Variants in FAM13A observed in about 807,000 individuals in gnomAD.
FAM13A encodes the protein protein FAM13A.
A neutral mutation model predicts 129.6 loss-of-function variants in FAM13A; 76 were observed. That is an observed-to-expected ratio of 0.59 (90% CI 0.49 to 0.71). The LOEUF is 0.71. Ranked by LOEUF, FAM13A falls within the 30% of genes least tolerant of loss-of-function variation. The pLI is 0.00. For missense variants in FAM13A, 1,108 were observed against 1,249.3 expected (o/e 0.89, Z 1.70); for synonymous variants, 443 against 449.9 (o/e 0.98, Z 0.20).
intron 13 of FAM13A, among the ~76,000 whole-genome samples, chr4:88,766,900 A>T (rs1374684167): frequency 6.6e-6 from 1 of 152,198 alleles, no homozygotes; most frequent in African/African-American, 2.4e-5. Flanking sequence ...AAGTATTTGG[A>T]GGTAGCAGAT....
intron 5 of FAM13A, among the ~76,000 whole-genome samples, chr4:88,914,954 A>G (rs1749850786): frequency 6.6e-6 from 1 of 152,240 alleles, no homozygotes; most frequent in Non-Finnish European, 1.5e-5. Context: ...ACATAAAAGA[A>G]GCTACATTAT....
At chr4:88,875,118 T>C (rs1377735543) in intron 6 of FAM13A, among the ~76,000 whole-genome samples, 1 of 152,224 alleles carries the variant, frequency 6.6e-6, no homozygotes, top group African/African-American at 2.4e-5. Context: ...ATCCCTTCCT[T>C]ACATCTTATA....
intron 3 of FAM13A, among the ~76,000 whole-genome samples, chr4:89,018,808 T>G (rs1164710456): frequency 3.3e-5 from 5 of 152,220 alleles, no homozygotes; most frequent in Admixed American, 6.5e-5. Flanking sequence ...CTAAAACTCG[T>G]CAAAGAGTCT....
Position 89,020,471 on chromosome 4 carries a change from T to A in FAM13A, c.416A>T (p.Gln139Leu). 1.9e-6 allele frequency: 3 copies of A among 1,613,394 alleles called. No homozygotes were observed. Among genetic ancestry groups the A allele is most frequent in the Non-Finnish European group, 1.7e-6 (2 of 1,179,446 alleles). Residue 139 changes from glutamine to leucine, a missense_variant, in exon 3 of 24, where the codon CAA (glutamine) becomes CTA (leucine). Physicochemically the swap from Gln to Leu is moderately radical, Grantham distance 113. Transcript: ENST00000264344. ...ITSALQPRFI[Q>L]LFQDGRNDVQ... ...TTTATTGTACTAACCCTGAAAGAGT[T>A]GAATGAATCGAGGCTGCAACGCTGA...
chr4:88,867,168 T>C (rs1265484816), intron 6 of FAM13A, among the ~76,000 whole-genome samples: 1 of 152,230 alleles, frequency 6.6e-6, no homozygotes, highest in Admixed American at 6.5e-5. Flanking sequence ...TGTCTTTCTG[T>C]GTTTAAATAC....
intron 4 of FAM13A, among the ~76,000 whole-genome samples, chr4:88,953,297 G>C (rs1215869405): frequency 1.3e-5 from 2 of 151,220 alleles, no homozygotes; most frequent in East Asian, 3.9e-4. Context: ...TCTACTAAAA[G>C]TACAAAAATT....
chr4:89,040,668 T>G (rs1428635466), intron 1 of FAM13A, among the ~76,000 whole-genome samples: 1 of 152,212 alleles, frequency 6.6e-6, no homozygotes, highest in Non-Finnish European at 1.5e-5. Flanking sequence ...TTGGTGAATG[T>G]GCAGCTTTGG....
At chr4:88,924,938 A>T (rs1214136181) in intron 5 of FAM13A, among the ~76,000 whole-genome samples, 1 of 151,780 alleles carries the variant, frequency 6.6e-6, no homozygotes, top group Non-Finnish European at 1.5e-5. Flanking sequence ...TATGCAGCCA[A>T]AAGACACATG....
chr4:88,731,468 T>C (rs781232272), intron 22 of FAM13A, 40 bp from the exon 23 acceptor site: 30 of 1,250,238 alleles, frequency 2.4e-5, no homozygotes, highest in Non-Finnish European at 3.1e-5. Context: ...TAAGTTAAAT[T>C]TGAGTTGTCA....
chr4:88,906,536 A>G, intron 5 of FAM13A, 74 bp from the exon 6 acceptor site: 1 of 1,002,242 alleles, frequency 1.0e-6, no homozygotes, highest in East Asian at 2.5e-5. Flanking sequence ...AAGGTAGTGA[A>G]AAACAGTTTT....
chr4:89,045,875 T>C (rs138385397), intron 1 of FAM13A, among the ~76,000 whole-genome samples: 1 of 151,732 alleles, frequency 6.6e-6, no homozygotes, highest in South Asian at 2.1e-4. Flanking sequence ...AGTACAAAAA[T>C]TAGCTGGGCA....
intron 6 of FAM13A, among the ~76,000 whole-genome samples, chr4:88,906,015 T>C (rs1748086860): frequency 6.6e-6 from 1 of 152,146 alleles, no homozygotes; most frequent in Non-Finnish European, 1.5e-5. Context: ...TGGCCGGGCA[T>C]GGTGGCTCAC....
In FAM13A at chr4:88,772,644, A is replaced by C. The variant is rs746660523; in HGVS notation, c.1459-4585T>G. On this transcript the variant is annotated intron_variant, in intron 11 of 23. Transcript: ENST00000264344. ...AATTAGAAAATATCATAAGCCAAAA[A>C]TGCATTTAGTACACTTAACCTACTG... Among the ~76,000 whole-genome samples, 50 of 152,208 alleles carry C rather than the reference A, an allele frequency of 3.3e-4. 1 individual carries two copies. The highest frequency in any genetic ancestry group is 6.3e-4 in the Non-Finnish European group (43 of 68,034).
chr4:88,769,935 A>G (rs184184031), intron 11 of FAM13A, among the ~76,000 whole-genome samples: 21 of 152,250 alleles, frequency 1.4e-4, no homozygotes, highest in Middle Eastern at 3.4e-3. Flanking sequence ...TTCTGAAGCT[A>G]TAATATCTCC....
At chr4:88,972,620 G>T (rs372080809) in intron 4 of FAM13A, among the ~76,000 whole-genome samples, 5 of 150,482 alleles carry the variant, frequency 3.3e-5, no homozygotes, top group Non-Finnish European at 7.4e-5. Context: ...CTTTTTTTTG[G>T]GGGGGAGAAC....
At chr4:88,955,718 A>T (rs1757646277) in intron 4 of FAM13A, among the ~76,000 whole-genome samples, 3 of 152,142 alleles carry the variant, frequency 2.0e-5, no homozygotes, top group African/African-American at 7.2e-5. Flanking sequence ...ATTTTGGGGG[A>T]AGTGGGACAA....
chr4:88,961,153 T>C (rs1217083550), intron 4 of FAM13A, among the ~76,000 whole-genome samples: 1 of 152,090 alleles, frequency 6.6e-6, no homozygotes, highest in African/African-American at 2.4e-5. Context: ...ATAAAAGTTT[T>C]GAAATACTCT....
At chr4:88,960,745 G>A (rs1441232615) in intron 4 of FAM13A, among the ~76,000 whole-genome samples, 1 of 152,134 alleles carries the variant, frequency 6.6e-6, no homozygotes, top group African/African-American at 2.4e-5. Context: ...ATTGTCTTTT[G>A]CAAAGTTGCT....
rs34865210 is a variant in FAM13A at position 88,865,878 on chromosome 4, C to CTTTT, written c.844-14699_844-14696dup. 2.7e-3 allele frequency among the ~76,000 whole-genome samples: 223 copies of CTTTT among 83,226 alleles called. 4 individuals are homozygous for CTTTT. The highest frequency in any genetic ancestry group is 3.4e-3 in the Non-Finnish European group (156 of 46,176). 54.6% of individuals were successfully genotyped at this position (83,226 alleles called of 152,430 possible). ...TTTCAACTTTTTCCTTTGTCTCTCT[C>CTTTT]TTTTTTTTTTTTTTTTTTTTTTTTT... On this transcript the variant is annotated intron_variant, in intron 6 of 23. Transcript: ENST00000264344.
Sources: gnomAD v4.1 joint callset for allele counts (sites outside exome capture counted in the v4.1 genomes callset) on GRCh38, gnomAD v4.1.1 for gene constraint, MANE v1.5 for transcripts, NCBI Gene and HGNC (gene_info 2026-07-23, HGNC 2026-07-21) for gene names.